The following CCL14 variants were observed in gnomAD, a reference collection of about 807,000 sequenced individuals.
CCL14 encodes the protein C-C motif chemokine 14.
A neutral mutation model predicts 8.2 loss-of-function variants in CCL14; 8 were observed. That is an observed-to-expected ratio of 0.98 (90% CI 0.57 to 1.76). The LOEUF (loss-of-function observed/expected upper bound fraction) is 1.76. Ranked by LOEUF, CCL14 falls within the 40% of genes most tolerant of loss-of-function variation. CCL14 has a pLI of 0.00. For synonymous variants in CCL14, 50 were observed against 43.2 expected, an observed-to-expected ratio of 1.16 and a Z score of -0.62; for missense variants, 127 against 118.3, an observed-to-expected ratio of 1.07 and a Z score of -0.34.
chr17:35,985,965 G>A lies in CCL14; in HGVS notation c.79+606C>T, dbSNP rs943762979. 10 of 598,568 alleles carry A rather than the reference G, an allele frequency of 1.7e-5. No homozygotes were observed. The African/African-American group carries it at 1.9e-4, about 11-fold the overall frequency. The allele number at this position is 598,568 out of a possible 1,614,324, so 37.1% of individuals were successfully genotyped here. On this transcript the variant is annotated intron_variant, in intron 1 of 2. Coordinates refer to ENST00000618404, the MANE Select transcript of CCL14 (RefSeq NM_032963.4). ...AATGCTGCACTCACTGGGCACAGGT[G>A]ACGCTGGAAGCAGGCTGGGCCCAAA...
At chr17:35,984,808 A>C (rs1409869368) in intron 1 of CCL14, 13 of 459,050 alleles carry the variant, frequency 2.8e-5, no homozygotes. Flanking sequence ...AATATCATGC[A>C]GCCTTCATGC....
rs191159477 is a variant in CCL14 at position 35,986,554 on chromosome 17, C to T, written c.79+17G>A. Reference sequence around the variant, plus strand: ...TGCAGGCTCTAGGTTGGAAGGAAGACAAGGCATTGCACTCACGTGAGGAGG... The same window carrying T: ...TGCAGGCTCTAGGTTGGAAGGAAGATAAGGCATTGCACTCACGTGAGGAGG... On this transcript the variant is annotated intron_variant, in intron 1 of 2. Transcript: ENST00000618404. 1 of 1,604,384 alleles carries T rather than the reference C, an allele frequency of 6.2e-7. No individual in the cohort carries two copies. Among genetic ancestry groups the T allele is most frequent in the East Asian group, 2.2e-5 (1 of 44,838 alleles).
Position 35,983,871 on chromosome 17 carries a change from C to T in CCL14, c.212G>A (p.Gly71Asp), listed in dbSNP as rs2089711902. ...KPGIVFITKRGHSVCTNPSDK... is the reference protein window; with the variant it reads ...KPGIVFITKRDHSVCTNPSDK... ...ACTGGGGTTGGTACAGACGGAATGG[C>T]CCCTTTTGGTGATGAAGCTGTGGAG... is the stretch of plus-strand genomic sequence containing the variant. Residue 71 changes from glycine (G) to aspartate (D), a missense_variant, in exon 3 of 3, where the codon GGC becomes GAC. Gly to Asp is a moderately conservative substitution (Grantham distance 94). Coordinates refer to ENST00000618404, the MANE Select transcript of CCL14 (RefSeq NM_032963.4). 3 of 1,613,834 alleles carry T rather than the reference C, an allele frequency of 1.9e-6. No individual in the cohort carries two copies. Among genetic ancestry groups the T allele is most frequent in the East Asian group, 4.5e-5 (2 of 44,884 alleles).
At chr17:35,984,062 C>T (rs1404223512) in intron 2 of CCL14, among the ~76,000 whole-genome samples, 174 bp from the exon 3 acceptor site, 9 of 152,194 alleles carry the variant, frequency 5.9e-5, no homozygotes, top group Admixed American at 5.9e-4. Context: ...GTTCCTAGGA[C>T]CCCTAGACCC....
chr17:35,984,801 A>C, intron 1 of CCL14: 1 of 466,072 alleles, frequency 2.1e-6, no homozygotes, highest in Non-Finnish European at 3.7e-6. Context: ...CTTGGCCAAT[A>C]TCATGCAGCC....
At position 35,984,419 on chromosome 17, in the gene CCL14, G is replaced by A. The variant is rs199677295; in HGVS notation, c.113C>T (p.Thr38Ile). 1.8e-5 allele frequency: 29 copies of A among 1,613,306 alleles called. No individual in the cohort carries two copies. Among genetic ancestry groups the A allele is most frequent in the Non-Finnish European group, 1.7e-5 (20 of 1,179,844 alleles). The part of the protein sequence containing the change: ...GPYHPSECCF[T>I]YTTYKIPRQR... ...ACGCGGGATCTTGTAGGTAGTGTAG[G>A]TGAAGCAGCACTCTGAGGGGTGGTA... The change falls in exon 2 of 3, where the codon ACC becomes ATC. Residue 38 changes from threonine to isoleucine, a missense_variant. Coordinates refer to ENST00000618404, the MANE Select transcript of CCL14 (RefSeq NM_032963.4).
chr17:35,985,680 A>G, intron 1 of CCL14: 2 of 1,383,370 alleles, frequency 1.4e-6, no homozygotes, highest in African/African-American at 1.4e-5. Context: ...GAGCTCCTAT[A>G]CTCTCCCACC....
At position 35,985,935 on chromosome 17, in the gene CCL14, C is replaced by T. The variant is rs1598737522; in HGVS notation, c.79+636G>A. The T allele has an allele frequency of 2.0e-5, 14 of 690,144 alleles. No individual in the cohort carries two copies. The East Asian group carries it at 3.6e-4, about 18-fold the overall frequency. 42.8% of individuals were successfully genotyped at this position (690,144 alleles called of 1,614,324 possible). A position where few individuals can be genotyped will look rare whatever the true frequency, so the allele number is the denominator to read the frequency against. ...GTCGTGTTTCCCCCCAGCCCATACC[C>T]AAGCAATGCTGCACTCACTGGGCAC... is the stretch of plus-strand genomic sequence containing the variant. On this transcript the variant is annotated intron_variant, in intron 1 of 2. Coordinates refer to ENST00000618404, the MANE Select transcript of CCL14 (RefSeq NM_032963.4).
intron 1 of CCL14, chr17:35,985,499 G>A: frequency 1.8e-6 from 1 of 548,350 alleles, no homozygotes; most frequent in Non-Finnish European, 3.2e-6. Context: ...CATGTTATGT[G>A]ACCCTGCTTC....
chr17:35,985,277 T>C (rs1187257703), intron 1 of CCL14: 2 of 161,100 alleles, frequency 1.2e-5, no homozygotes, highest in Non-Finnish European at 2.7e-5. Flanking sequence ...AGAAAAGGTT[T>C]TGTGGTCTAA....
intron 1 of CCL14, chr17:35,984,819 C>T (rs934201159): frequency 1.4e-5 from 6 of 425,752 alleles, no homozygotes; most frequent in African/African-American, 1.2e-4. Context: ...GCCTTCATGC[C>T]TTATTCGGGA....
chr17:35,986,150 C>G (rs1344043168), intron 1 of CCL14: 1 of 378,340 alleles, frequency 2.6e-6, no homozygotes, highest in East Asian at 5.0e-5. Context: ...CACTCCATGT[C>G]CTTGAGGGCA....
At chr17:35,984,204 T>A in intron 2 of CCL14, 134 bp downstream of exon 2, 1 of 691,212 alleles carries the variant, frequency 1.4e-6, no homozygotes, top group Non-Finnish European at 2.6e-6. Context: ...AGATTGCCCC[T>A]CAGCTGCCTC....
intron 1 of CCL14, chr17:35,985,736 CTG>C (rs2089756194): frequency 6.4e-7 from 1 of 1,550,434 alleles, no homozygotes; most frequent in Non-Finnish European, 8.7e-7. Flanking sequence ...GCAAGTCAAA[CTG>C]TGCACATACC....
rs994392913 is a variant in CCL14 at position 35,983,541 on chromosome 17, G to A, written c.*260C>T. 3.6e-5 allele frequency: 16 copies of A among 448,758 alleles called. No homozygotes were observed. Among genetic ancestry groups the A allele is most frequent in the African/African-American group, 2.7e-4 (14 of 51,258 alleles). 27.8% of individuals were successfully genotyped at this position (448,758 alleles called of 1,614,324 possible). On this transcript the variant is annotated 3_prime_UTR_variant, in exon 3 of 3. Coordinates refer to ENST00000618404, the MANE Select transcript of CCL14 (RefSeq NM_032963.4). ...GCATTGCAGGCCTGACCTATTTTTT[G>A]TACCAGGCTCCAGCAAAACTTCTGC...
intron 1 of CCL14, chr17:35,985,788 C>T (rs2089758001): frequency 2.6e-6 from 4 of 1,551,398 alleles, no homozygotes; most frequent in Admixed American, 3.9e-5. Flanking sequence ...TCGGTTTCCC[C>T]CCAGTTTCTG....
intron 1 of CCL14, chr17:35,986,257 G>A: frequency 2.4e-6 from 1 of 408,212 alleles, no homozygotes; most frequent in Non-Finnish European, 4.4e-6. Context: ...AGGGCATTTG[G>A]GGTAGTGGAA....
At chr17:35,984,040 A>G in intron 2 of CCL14, 152 bp from the exon 3 acceptor site, 1 of 695,654 alleles carries the variant, frequency 1.4e-6, no homozygotes, top group South Asian at 1.7e-5. Flanking sequence ...CCTCTCTGAG[A>G]CATACTCTTC....
intron 1 of CCL14, chr17:35,986,177 G>A (rs1027583869): frequency 8.4e-6 from 3 of 356,034 alleles, no homozygotes; most frequent in Non-Finnish European, 1.5e-5. Flanking sequence ...GACTGGTCCT[G>A]GGGGGCAATG....
Sources: allele counts gnomAD v4.1 joint callset (sites outside exome capture counted in the v4.1 genomes callset), GRCh38; gene constraint gnomAD v4.1.1; transcripts MANE v1.5; gene names NCBI Gene and HGNC (gene_info 2026-07-23, HGNC 2026-07-21).